Variants in CPNE8 observed in about 807,000 individuals in gnomAD.
CPNE8 encodes copine-8.
A neutral mutation model predicts 81.5 loss-of-function variants in CPNE8; 45 were observed. The ratio of observed to expected loss-of-function variants is 0.55; its 90% confidence interval spans 0.44 to 0.71. The LOEUF is 0.71. Ranked by LOEUF, CPNE8 falls within the 30% of genes least tolerant of loss-of-function variation. CPNE8 has a pLI of 0.00. For missense variants in CPNE8, 594 were observed against 672.1 expected (o/e 0.88, Z 1.28); for synonymous variants, 252 against 226.3 (o/e 1.11, Z -1.02).
At chr12:38,698,121 T>C (rs2136681485) in intron 14 of CPNE8, among the ~76,000 whole-genome samples, 1 of 152,354 alleles carries the variant, frequency 6.6e-6, no homozygotes, top group South Asian at 2.1e-4. Context: ...TGAAATGATA[T>C]CTCATTATAG....
At chr12:38,850,882 G>T (rs1363428655) in intron 3 of CPNE8, among the ~76,000 whole-genome samples, 1 of 152,158 alleles carries the variant, frequency 6.6e-6, no homozygotes, top group Non-Finnish European at 1.5e-5. Context: ...TAGTTTGAAT[G>T]TATCCCTTCC....
At chr12:38,854,612 A>G (rs1045180364) in intron 3 of CPNE8, among the ~76,000 whole-genome samples, 25 of 152,064 alleles carry the variant, frequency 1.6e-4, no homozygotes, top group African/African-American at 4.6e-4. Context: ...AGGATGGTTC[A>G]ACATACACAA....
intron 3 of CPNE8, among the ~76,000 whole-genome samples, chr12:38,862,370 T>C (rs981548359): frequency 6.6e-6 from 1 of 152,128 alleles, no homozygotes; most frequent in Admixed American, 6.6e-5. Context: ...TGGAGAAGCA[T>C]GTCTTTTATG....
At position 38,717,458 on chromosome 12, in the gene CPNE8, T is replaced by TATATATATATATATATATACAC; in HGVS notation, c.914+6313_914+6314insGTGTATATATATATATATATAT. ...ATATATATATATATATATATATATA[T>TATATATATATATATATATACAC]ACACCATGGAATACTACTCAGTCAT... On this transcript the variant is annotated intron_variant, in intron 13 of 19. Transcript: ENST00000331366. Among the ~76,000 whole-genome samples the TATATATATATATATATATACAC allele has an allele frequency of 1.4e-5, 2 of 138,730 alleles. 1 individual carries two copies. The highest frequency in any genetic ancestry group is 3.1e-5 in the Non-Finnish European group (2 of 64,422). 91.0% of individuals were successfully genotyped at this position (138,730 alleles called of 152,430 possible). A position where few individuals can be genotyped will look rare whatever the true frequency, so the allele number is the denominator to read the frequency against.
chr12:38,760,451 A>ATATATATATATATATATATATATGTG (rs749406707), intron 10 of CPNE8, among the ~76,000 whole-genome samples: 1 of 120,172 alleles, frequency 8.3e-6, no homozygotes, highest in South Asian at 2.6e-4. Context: ...ATATATATAT[A>ATATATATATATATATATATATATGTG]TGTGTGTGTA....
chr12:38,684,449 A>G (rs1162292145), intron 16 of CPNE8, among the ~76,000 whole-genome samples: 1 of 152,092 alleles, frequency 6.6e-6, no homozygotes, highest in Non-Finnish European at 1.5e-5. Context: ...ATTTTAGTAG[A>G]GATTGCAGAT....
intron 6 of CPNE8, among the ~76,000 whole-genome samples, chr12:38,819,361 T>C (rs1943077358): frequency 6.6e-6 from 1 of 152,074 alleles, no homozygotes; most frequent in Non-Finnish European, 1.5e-5. Flanking sequence ...TGGCTAGCCA[T>C]AACTGACTTA....
intron 1 of CPNE8, among the ~76,000 whole-genome samples, chr12:38,878,218 T>C (rs993131126): frequency 1.3e-5 from 2 of 152,224 alleles, no homozygotes; most frequent in Admixed American, 1.3e-4. Context: ...TTTGTTCCTT[T>C]TCTTTCTTAA....
At chr12:38,745,373 C>T (rs1382521006) in intron 10 of CPNE8, among the ~76,000 whole-genome samples, 1 of 152,190 alleles carries the variant, frequency 6.6e-6, no homozygotes, top group East Asian at 1.9e-4. Flanking sequence ...AACATCCATG[C>T]TTTGCCTGGT....
intron 13 of CPNE8, among the ~76,000 whole-genome samples, chr12:38,715,103 G>A (rs372781796): frequency 1.6e-4 from 24 of 152,130 alleles, no homozygotes; most frequent in African/African-American, 5.5e-4. Flanking sequence ...AACAAGAAGA[G>A]ATAAAATTTT....
intron 3 of CPNE8, among the ~76,000 whole-genome samples, chr12:38,859,541 C>G (rs532592455): frequency 3.4e-4 from 51 of 152,110 alleles, no homozygotes; most frequent in Middle Eastern, 3.4e-3. Context: ...TATCAAAATC[C>G]TAATGACATT....
intron 10 of CPNE8, among the ~76,000 whole-genome samples, chr12:38,757,154 A>G (rs1941478895): frequency 6.6e-6 from 1 of 152,126 alleles, no homozygotes; most frequent in African/African-American, 2.4e-5. Flanking sequence ...GTTTTTTAAT[A>G]AGAAGAATTA....
intron 1 of CPNE8, among the ~76,000 whole-genome samples, chr12:38,896,058 CA>C (rs1944384138): frequency 6.6e-6 from 1 of 152,056 alleles, no homozygotes; most frequent in Non-Finnish European, 1.5e-5. Flanking sequence ...CATTGTCTGA[CA>C]AAGAGTTAGA....
At chr12:38,781,529 G>T (rs1942053044) in intron 6 of CPNE8, among the ~76,000 whole-genome samples, 1 of 151,928 alleles carries the variant, frequency 6.6e-6, no homozygotes, top group Non-Finnish European at 1.5e-5. Context: ...AAATTGAAAA[G>T]GGTTGCAAGA....
intron 19 of CPNE8, among the ~76,000 whole-genome samples, chr12:38,670,030 C>T (rs1939137421): frequency 6.6e-6 from 1 of 152,162 alleles, no homozygotes; most frequent in Non-Finnish European, 1.5e-5. Context: ...TCAAAAGTCC[C>T]TCCCAGGTTT....
chr12:38,904,019 G>A (rs1478251441), intron 1 of CPNE8, among the ~76,000 whole-genome samples: 1 of 152,164 alleles, frequency 6.6e-6, no homozygotes, highest in Non-Finnish European at 1.5e-5. Flanking sequence ...TACTACGGTT[G>A]CTGGTGCTCG....
intron 10 of CPNE8, among the ~76,000 whole-genome samples, chr12:38,741,065 A>G (rs1941088168): frequency 6.6e-6 from 1 of 152,186 alleles, no homozygotes; most frequent in African/African-American, 2.4e-5. Context: ...TTCCATGCTC[A>G]TGGATAGGAA....
At chr12:38,678,557 C>T (rs1478056397) in intron 16 of CPNE8, among the ~76,000 whole-genome samples, 2 of 151,796 alleles carry the variant, frequency 1.3e-5, no homozygotes, top group Non-Finnish European at 2.9e-5. Flanking sequence ...ATGAAAATTC[C>T]TTTACAATCT....
intron 14 of CPNE8, among the ~76,000 whole-genome samples, chr12:38,699,351 A>C (rs11169169): frequency 0.3 from 45,222 of 152,110 alleles, 8,696 homozygotes; most frequent in Non-Finnish European, 0.42. Context: ...CACTGGTGCT[A>C]GTCACCTTTT....
Sources: allele counts gnomAD v4.1 joint callset (sites outside exome capture counted in the v4.1 genomes callset), GRCh38; gene constraint gnomAD v4.1.1; transcripts MANE v1.5; gene names NCBI Gene and HGNC (gene_info 2026-07-23, HGNC 2026-07-21).